The following GNS variants were observed in gnomAD, a reference collection of about 807,000 sequenced individuals.
The protein encoded by GNS is N-acetylglucosamine-6-sulfatase.
GNS carries 40 observed loss-of-function variants against 69.7 expected under a neutral mutation model. That is an observed-to-expected ratio of 0.57 (90% CI 0.45 to 0.75). GNS has a LOEUF of 0.75. GNS is among the 30% of genes least tolerant of loss of function. GNS has a pLI of 0.00. For synonymous variants in GNS, 243 were observed against 251.6 expected (o/e 0.97, Z 0.32); for missense variants, 565 against 685.5 (o/e 0.82, Z 1.96).
chr12:64,731,292 G>C (rs932927137), intron 9 of GNS, among the ~76,000 whole-genome samples: 4 of 152,176 alleles, frequency 2.6e-5, no homozygotes, highest in Non-Finnish European at 4.4e-5. Context: ...GCCTGGGCTG[G>C]TCTCAAACTT....
chr12:64,739,850 G>C (rs556802479), intron 7 of GNS, among the ~76,000 whole-genome samples: 1 of 152,366 alleles, frequency 6.6e-6, no homozygotes, highest in East Asian at 1.9e-4. Context: ...GAGACAATCG[G>C]AAGGAAGAGT....
rs1298304839 is a variant in GNS, at chr12:64,732,158, TTTTTTTTGTTG to T, written c.1099-3112_1099-3102del. Among the ~76,000 whole-genome samples the T allele has an allele frequency of 4.0e-4, 39 of 97,850 alleles. 8 individuals carry two copies. In the Middle Eastern group the frequency reaches 0.012, roughly 30 times the overall value. 64.2% of individuals were successfully genotyped at this position (97,850 alleles called of 152,430 possible). A position where few individuals can be genotyped will look rare whatever the true frequency, so the allele number is the denominator to read the frequency against. On this transcript the variant is annotated intron_variant, in intron 9 of 13. Transcript: ENST00000258145. ...CCTGCCACCACACCTGGCTAATTTTTTTTTTTTGTTGTTTTTTTTTTTTTTTTGAGACGGAG... is the reference window on the plus strand; with the variant it reads ...CCTGCCACCACACCTGGCTAATTTTTTTTTTTTTTTTTTTTTGAGACGGAG...
chr12:64,744,886 T>C lies in GNS; in HGVS notation c.547A>G (p.Asn183Asp). The C allele has an allele frequency of 1.3e-6, 2 of 1,502,220 alleles. No individual in the cohort carries two copies. Among genetic ancestry groups the C allele is most frequent in the Non-Finnish European group, 1.9e-6 (2 of 1,077,892 alleles). The allele number at this position is 1,502,220 out of a possible 1,614,324, so 93.1% of individuals were successfully genotyped here. A position where few individuals can be genotyped will look rare whatever the true frequency, so the allele number is the denominator to read the frequency against. Residue 183 changes from asparagine to aspartate, a missense_variant, in exon 5 of 14, where the codon AAT (asparagine) becomes GAT (aspartate). Physicochemically the swap from Asn to Asp is conservative, Grantham distance 23. Coordinates refer to ENST00000258145, the MANE Select transcript of GNS (RefSeq NM_002076.4). ...TTCCCATTGATAGACAGGGTGTAAT[T>C]ATAATACTTAGAATTCTTTTCCTAT... is the stretch of plus-strand genomic sequence containing the variant. ...YALEKNSKYY[N>D]YTLSINGKAR...
chr12:64,751,444 G>A (rs142759084), intron 2 of GNS, among the ~76,000 whole-genome samples: 2,040 of 152,116 alleles, frequency 0.013, 16 homozygotes, highest in Middle Eastern at 0.054. Flanking sequence ...CTAGACAGTC[G>A]GAACAACATT....
intron 3 of GNS, chr12:64,746,342 T>C (rs959580658): frequency 2.0e-5 from 3 of 152,662 alleles, no homozygotes; most frequent in East Asian, 3.9e-4. Flanking sequence ...TATTATAAGT[T>C]GAACATCCCA....
chr12:64,750,380 GA>G (rs1870041710), intron 2 of GNS, among the ~76,000 whole-genome samples: 1 of 151,930 alleles, frequency 6.6e-6, no homozygotes, highest in African/African-American at 2.4e-5. Flanking sequence ...ATTTTTAGTA[GA>G]TATAGGCTCT....
chr12:64,739,824 A>G (rs777811663), intron 7 of GNS, among the ~76,000 whole-genome samples: 23 of 152,344 alleles, frequency 1.5e-4, no homozygotes, highest in Admixed American at 3.3e-4. Context: ...TTTTATTGGC[A>G]ATAGTGATGA....
intron 6 of GNS, among the ~76,000 whole-genome samples, chr12:64,741,464 T>G (rs1351696173): frequency 2.0e-5 from 3 of 151,890 alleles, no homozygotes; most frequent in Non-Finnish European, 2.9e-5. Context: ...TTTTGTATTT[T>G]CAGTAGAGAT....
chr12:64,753,094 A>C, intron 1 of GNS: 1 of 309,042 alleles, frequency 3.2e-6, no homozygotes, highest in East Asian at 7.6e-5. Context: ...AGGATGTGGG[A>C]AATGATATAA....
intron 13 of GNS, 120 bp downstream of exon 13, chr12:64,719,902 G>A: frequency 1.3e-6 from 1 of 764,208 alleles, no homozygotes; most frequent in Non-Finnish European, 2.4e-6. Flanking sequence ...TTAGAACACA[G>A]TATTCCCTCT....
In GNS at chr12:64,714,605, C is replaced by G. The variant is rs533516870; in HGVS notation, c.*2136G>C. ...CACCACATCCTACCACGCAAGCACA[C>G]CCACTGAACTGAGTAAGAGTGGCGT... On this transcript the variant is annotated 3_prime_UTR_variant, in exon 14 of 14. Coordinates refer to ENST00000258145, the MANE Select transcript of GNS (RefSeq NM_002076.4). The G allele has an allele frequency of 1.3e-5, 2 of 152,336 alleles. No individual in the cohort carries two copies. The highest frequency in any genetic ancestry group is 3.9e-4 in the East Asian group (2 of 5,188). 9.4% of individuals were successfully genotyped at this position (152,336 alleles called of 1,614,324 possible).
rs483352898 is a variant in GNS, at chr12:64,728,986, CT to C, written c.1169del (p.Gln390ArgfsTer11). 1 of 1,589,584 alleles carries C rather than the reference CT, an allele frequency of 6.3e-7. No individual in the cohort carries two copies. The highest frequency in any genetic ancestry group is 1.1e-5 in the South Asian group (1 of 90,530). ...TGGGCAATAAGGACATCCCATCCAT[CT>C]GTGTCTTATTTAGGTCGTAGCCAGC... ...DIAGYDLNKT[Q>X]MDGMSLLPIL... On this transcript the variant is annotated frameshift_variant, in exon 10 of 14. Coordinates refer to ENST00000258145, the MANE Select transcript of GNS (RefSeq NM_002076.4). LOFTEE classifies it high-confidence loss of function.
intron 13 of GNS, 86 bp downstream of exon 13, chr12:64,719,936 C>T (rs1413843389): frequency 3.5e-6 from 3 of 867,938 alleles, no homozygotes; most frequent in Non-Finnish European, 6.0e-6. Context: ...CATCATCTCA[C>T]AGCAAAAAGG....
At position 64,719,878 on chromosome 12, in the gene GNS, A is replaced by T. The variant is rs550842694; in HGVS notation, c.1580+144T>A. ...TCAAAAGCTTGATTTTCCCAGCACA[A>T]CGGGCTGATGCAATTAGAACACAGT... On this transcript the variant is annotated intron_variant, in intron 13 of 13. Transcript: ENST00000258145. The T allele has an allele frequency of 1.1e-5, 8 of 702,548 alleles. No homozygotes were observed. The African/African-American group carries it at 1.4e-4, about 13-fold the overall frequency. The allele number at this position is 702,548 out of a possible 1,614,324, so 43.5% of individuals were successfully genotyped here.
At chr12:64,741,742 C>T (rs146165756) in intron 6 of GNS, among the ~76,000 whole-genome samples, 111 of 152,258 alleles carry the variant, frequency 7.3e-4, no homozygotes, top group African/African-American at 2.6e-3. Flanking sequence ...CTTCTCTATT[C>T]GTAAAACCCT....
intron 1 of GNS, chr12:64,756,884 GT>G (rs1870268052): frequency 1.3e-5 from 8 of 599,734 alleles, no homozygotes; most frequent in Admixed American, 8.4e-5. Flanking sequence ...GGCCGAGACA[GT>G]GGCTCATGCC....
rs540537083 is a variant in GNS, at chr12:64,759,204, C to T, written c.73G>A (p.Ala25Thr). The T allele has an allele frequency of 1.3e-4, 201 of 1,548,282 alleles. 1 individual carries two copies. The East Asian group carries it at 4.6e-3, about 35-fold the overall frequency. Reference protein sequence around the residue: ...SPRHLPSCSPALLLLVLGGCL... With the variant: ...SPRHLPSCSPTLLLLVLGGCL... ...CCGCCCAGCACCAGCAGTAGCAGCGCTGGGCTGCAGGAGGGCAGGTGGCGG... is the reference window on the plus strand; with the variant it reads ...CCGCCCAGCACCAGCAGTAGCAGCGTTGGGCTGCAGGAGGGCAGGTGGCGG... The change falls in exon 1 of 14, where the codon GCG becomes ACG. Residue 25 changes from alanine (A) to threonine (T), a missense_variant. By Grantham distance (58) the Ala-to-Thr change is moderately conservative (BLOSUM62 0). Coordinates refer to ENST00000258145, the MANE Select transcript of GNS (RefSeq NM_002076.4).
At chr12:64,732,231 G>A (rs200041931) in intron 9 of GNS, among the ~76,000 whole-genome samples, 3 of 141,738 alleles carry the variant, frequency 2.1e-5, no homozygotes, top group South Asian at 2.3e-4. Flanking sequence ...ACAGTAGCAC[G>A]ATCTCAGCTC....
intron 5 of GNS, among the ~76,000 whole-genome samples, chr12:64,744,544 T>G (rs887398911): frequency 5.8e-5 from 2 of 34,462 alleles, no homozygotes; most frequent in Non-Finnish European, 8.6e-5. Context: ...CAAAGTAATC[T>G]CTGTAGTCGA....
Sources: allele counts gnomAD v4.1 joint callset (sites outside exome capture counted in the v4.1 genomes callset), GRCh38; gene constraint gnomAD v4.1.1; transcripts MANE v1.5; gene names NCBI Gene and HGNC (gene_info 2026-07-23, HGNC 2026-07-21).